Variants in TTF1 observed in about 807,000 individuals in gnomAD.
TTF1 encodes the protein transcription termination factor 1.
Under a neutral mutation model 80.2 loss-of-function variants are expected in TTF1, and 64 were observed. The ratio of observed to expected loss-of-function variants is 0.80; its 90% CI spans 0.65 to 0.98. The LOEUF (loss-of-function observed/expected upper bound fraction) is 0.98. Among genes scored for constraint, TTF1 ranks in the 50% least tolerant of loss-of-function variants. The probability of loss-of-function intolerance (pLI) is 0.00; values close to 1 mark genes in which losing one functional copy is unlikely to be tolerated. For missense variants in TTF1, 1,023 were observed against 1,086.2 expected (o/e 0.94, Z 0.82); for synonymous variants, 372 against 382.7 (o/e 0.97, Z 0.33).
intron 7 of TTF1, among the ~76,000 whole-genome samples, chr9:132,389,544 C>T (rs183108784): frequency 1.1e-3 from 170 of 152,216 alleles, no homozygotes; most frequent in African/African-American, 2.5e-3. Context: ...CCAACATTCC[C>T]TGTTCTTTGG....
At chr9:132,404,880 A>G (rs1484907570) in intron 1 of TTF1, among the ~76,000 whole-genome samples, 1 of 151,852 alleles carries the variant, frequency 6.6e-6, no homozygotes, top group Non-Finnish European at 1.5e-5. Flanking sequence ...AAAGCCGATT[A>G]TTTCTTTTTT....
At chr9:132,398,002 A>C (rs1431314992) in intron 4 of TTF1, 139 bp downstream of exon 4, 4 of 626,866 alleles carry the variant, frequency 6.4e-6, no homozygotes, top group Non-Finnish European at 1.0e-5. Flanking sequence ...AAAAAAAAGA[A>C]TATCATCAGC....
At chr9:132,404,961 C>T (rs1355418708) in intron 1 of TTF1, among the ~76,000 whole-genome samples, 1 of 152,114 alleles carries the variant, frequency 6.6e-6, no homozygotes, top group East Asian at 1.9e-4. Flanking sequence ...TCTCAGCTCA[C>T]TGCAAGCTCT....
At chr9:132,389,206 G>A (rs141975318) in intron 7 of TTF1, among the ~76,000 whole-genome samples, 1,616 of 142,798 alleles carry the variant, frequency 0.011, 33 homozygotes, top group African/African-American at 0.039. Flanking sequence ...TTTTTGAGAC[G>A]GAGTCTGGCA....
At chr9:132,380,517 G>T (rs1276464834) in intron 9 of TTF1, among the ~76,000 whole-genome samples, 13 of 152,192 alleles carry the variant, frequency 8.5e-5, no homozygotes, top group Admixed American at 7.9e-4. Context: ...GTCTCACTCT[G>T]AAACCCCAGC....
intron 10 of TTF1, among the ~76,000 whole-genome samples, chr9:132,378,100 GCATGTGGTGTGTGTGAGT>G (rs1849268994): frequency 8.7e-6 from 1 of 114,764 alleles, no homozygotes. Context: ...TGGTGTGAGT[GCATGTGGTGTGTGTGAGT>G]GCATGCATGT....
At chr9:132,399,198 CA>C (rs1257892532) in intron 3 of TTF1, among the ~76,000 whole-genome samples, 1,112 of 48,230 alleles carry the variant, frequency 0.023, 3 homozygotes, top group African/African-American at 0.064. Flanking sequence ...GACTCTGTCT[CA>C]AAAAAAAAAA....
intron 2 of TTF1, 62 bp from the exon 3 acceptor site, chr9:132,400,320 A>C: frequency 1.4e-6 from 2 of 1,435,270 alleles, no homozygotes; most frequent in African/African-American, 2.8e-5. Context: ...ATAACTTTAA[A>C]ATTTTTCCTT....
intron 5 of TTF1, among the ~76,000 whole-genome samples, chr9:132,394,887 T>C (rs1487902352): frequency 7.0e-6 from 1 of 143,030 alleles, no homozygotes; most frequent in Non-Finnish European, 1.5e-5. Flanking sequence ...AGGGAGACCC[T>C]GTTCCAAAAA....
chr9:132,404,216 A>G (rs1181291355), intron 1 of TTF1, among the ~76,000 whole-genome samples: 2 of 152,214 alleles, frequency 1.3e-5, no homozygotes, highest in East Asian at 1.9e-4. Context: ...TTTTCACCTA[A>G]CAACATAGAT....
chr9:132,405,297 C>T (rs927380486), intron 1 of TTF1, among the ~76,000 whole-genome samples: 3 of 152,154 alleles, frequency 2.0e-5, no homozygotes, highest in Non-Finnish European at 2.9e-5. Flanking sequence ...CTCCGCCTCC[C>T]GGGTTCAAGC....
chr9:132,405,408 A>G (rs1849848749), intron 1 of TTF1, among the ~76,000 whole-genome samples: 1 of 151,368 alleles, frequency 6.6e-6, no homozygotes, highest in South Asian at 2.1e-4. Context: ...GGGTTTCGCC[A>G]TGTTGGCCAG....
intron 9 of TTF1, 107 bp downstream of exon 9, chr9:132,386,449 T>C (rs1849470378): frequency 3.1e-6 from 3 of 983,580 alleles, no homozygotes; most frequent in African/African-American, 3.3e-5. Flanking sequence ...TTATACAAAA[T>C]TCCAAATGCA....
At position 132,401,988 on chromosome 9, in the gene TTF1, T is replaced by C. The variant is rs765677671; in HGVS notation, c.834A>G (p.Lys278=). The change falls in exon 2 of 11, where the codon AAA becomes AAG. Residue 278 remains lysine (K), a synonymous_variant. Coordinates refer to ENST00000334270, the MANE Select transcript of TTF1 (RefSeq NM_007344.4). ...CCTGGTGATTGGACTTTTTCTTCTTTTTTTTCTTAGACTTTTTTTTGTGAG... is the reference window on the plus strand; with the variant it reads ...CCTGGTGATTGGACTTTTTCTTCTTCTTTTTCTTAGACTTTTTTTTGTGAG... ...GPTHKKKSKK[K]KKKKSNHQEF... is the part of the protein sequence containing the mutation. 1 of 1,613,972 alleles carries C rather than the reference T, an allele frequency of 6.2e-7. No homozygotes were observed. Among genetic ancestry groups the C allele is most frequent in the South Asian group, 1.1e-5 (1 of 91,078 alleles).
intron 10 of TTF1, among the ~76,000 whole-genome samples, chr9:132,378,023 TGA>T (rs1018447400): frequency 7.5e-6 from 1 of 133,678 alleles, no homozygotes; most frequent in Non-Finnish European, 1.6e-5. Flanking sequence ...GCATGTGGTG[TGA>T]GTGCATGTGG....
chr9:132,381,331 C>T (rs1451361475), intron 9 of TTF1, among the ~76,000 whole-genome samples: 2 of 151,952 alleles, frequency 1.3e-5, no homozygotes, highest in African/African-American at 4.8e-5. Context: ...GCTGGGATTA[C>T]AGGTACCTGC....
chr9:132,388,221 T>C lies in TTF1; in HGVS notation c.2230A>G (p.Ile744Val), dbSNP rs2131631760. 3 of 1,606,274 alleles carry C rather than the reference T, an allele frequency of 1.9e-6. No homozygotes were observed. Among genetic ancestry groups the C allele is most frequent in the Middle Eastern group, 3.3e-4 (2 of 6,052 alleles). ...CCATTAGTCATCCTCTTGGTTAGAA[T>C]TTCTGTCCTACATTAAAAGGAAGAA... is the stretch of plus-strand genomic sequence containing the variant. ...WMQCKSKWTE[I>V]LTKRMTNGRR... Residue 744 changes from isoleucine (I) to valine (V), a missense_variant, in exon 8 of 11, where the codon ATT becomes GTT. Physicochemically the swap from Ile to Val is conservative, Grantham distance 29. Coordinates refer to ENST00000334270, the MANE Select transcript of TTF1 (RefSeq NM_007344.4).
rs1849571363 is a variant in TTF1, at chr9:132,392,133, C to G, written c.1930G>C (p.Glu644Gln). The stretch of plus-strand genomic sequence containing the variant: ...GAGAGGCTACTTCGGGCCACCATCT[C>G]ACCAATCGTCTTCCAGTCATTCCCA... The part of the protein sequence containing the change: ...LLGNDWKTIG[E>Q]MVARSSLSVA... Residue 644 changes from glutamate to glutamine, a missense_variant, in exon 6 of 11, where the codon GAG (glutamate) becomes CAG (glutamine). Physicochemically the swap from Glu to Gln is conservative, Grantham distance 29. Transcript: ENST00000334270. The G allele has an allele frequency of 1.9e-6, 3 of 1,614,198 alleles. No individual in the cohort carries two copies. The highest frequency in any genetic ancestry group is 1.7e-6 in the Non-Finnish European group (2 of 1,180,036).
At chr9:132,388,994 T>G (rs1159989553) in intron 7 of TTF1, among the ~76,000 whole-genome samples, 1 of 152,192 alleles carries the variant, frequency 6.6e-6, no homozygotes, top group Non-Finnish European at 1.5e-5. Context: ...GGAGGTCACT[T>G]CAATGTTACA....
Sources: gnomAD v4.1 joint callset for allele counts (sites outside exome capture counted in the v4.1 genomes callset) on GRCh38, gnomAD v4.1.1 for gene constraint, MANE v1.5 for transcripts, NCBI Gene and HGNC (gene_info 2026-07-23, HGNC 2026-07-21) for gene names.